Variants in PALLD observed in about 807,000 individuals in gnomAD.
PALLD encodes the protein palladin.
PALLD carries 61 observed loss-of-function variants against 123.5 expected under a neutral mutation model. That is an observed-to-expected ratio of 0.49 (90% CI 0.40 to 0.61). The LOEUF is 0.61. Ranked by LOEUF, PALLD falls within the 20% of genes least tolerant of loss-of-function variation. The probability of loss-of-function intolerance (pLI) is 0.00; values close to 1 mark genes in which losing one functional copy is unlikely to be tolerated. For synonymous variants in PALLD, 465 were observed against 496.4 expected (o/e 0.94, Z 0.84); for missense variants, 1,273 against 1,377.0 (o/e 0.92, Z 1.20).
chr4:168,719,699 T>C (rs1424421866), intron 10 of PALLD, among the ~76,000 whole-genome samples: 2 of 152,294 alleles, frequency 1.3e-5, no homozygotes, highest in East Asian at 1.9e-4. Context: ...TAGTACCCAA[T>C]AGATAATTTT....
rs539168505 is a variant in PALLD at position 168,624,119 on chromosome 4, C to T, written c.909-44071C>T. Among the ~76,000 whole-genome samples the T allele has an allele frequency of 5.2e-4, 79 of 151,990 alleles. 1 individual carries two copies. Among genetic ancestry groups the T allele is most frequent in the African/African-American group, 1.9e-3 (79 of 41,472 alleles). On this transcript the variant is annotated intron_variant, in intron 2 of 21. Coordinates refer to ENST00000505667, the MANE Select transcript of PALLD (RefSeq NM_001166108.2). ...ACATTACAAATAATATTTTTGGTCA[C>T]AATGCAATAAAACAAAAAATTGTTA...
intron 10 of PALLD, chr4:168,863,841 C>T (rs1749870472): frequency 1.3e-5 from 2 of 152,138 alleles, no homozygotes; most frequent in Admixed American, 6.5e-5. Flanking sequence ...TACATTAATC[C>T]TGTCTTATTC....
chr4:168,926,277 T>C lies in PALLD; in HGVS notation c.*97T>C. 1 of 1,537,178 alleles carries C rather than the reference T, an allele frequency of 6.5e-7. No homozygotes were observed. The highest frequency in any genetic ancestry group is 8.7e-7 in the Non-Finnish European group (1 of 1,146,806). ...AAGTACGGCCCTCAGCCAGTCGCTA[T>C]GCAGCACTTTCGGACCAGGGACTAG... On this transcript the variant is annotated 3_prime_UTR_variant, in exon 22 of 22. Transcript: ENST00000505667.
chr4:168,610,501 T>C (rs1773627134), intron 2 of PALLD, among the ~76,000 whole-genome samples: 1 of 152,242 alleles, frequency 6.6e-6, no homozygotes, highest in East Asian at 1.9e-4. Context: ...TGCATGCAGC[T>C]GGCCAGACAG....
intron 14 of PALLD, 34 bp from the exon 15 acceptor site, chr4:168,903,723 A>ACTC (rs779842899): frequency 5.7e-6 from 9 of 1,579,056 alleles, no homozygotes; most frequent in Non-Finnish European, 7.0e-6. Flanking sequence ...GAATACACAA[A>ACTC]CTCCTAATCT....
intron 3 of PALLD, among the ~76,000 whole-genome samples, chr4:168,672,031 G>A (rs914044337): frequency 1.3e-5 from 2 of 152,188 alleles, no homozygotes; most frequent in Non-Finnish European, 2.9e-5. Context: ...TCACCTAGGA[G>A]CCAAGCACTG....
intron 2 of PALLD, among the ~76,000 whole-genome samples, chr4:168,573,774 G>A (rs1334391873): frequency 6.6e-6 from 1 of 152,052 alleles, no homozygotes; most frequent in Non-Finnish European, 1.5e-5. Flanking sequence ...CCAATTATAC[G>A]AAGCTGCATA....
At chr4:168,736,576 G>C (rs984061826) in intron 10 of PALLD, among the ~76,000 whole-genome samples, 1 of 152,120 alleles carries the variant, frequency 6.6e-6, no homozygotes, top group East Asian at 1.9e-4. Context: ...AGAAAGGCTG[G>C]GAAATAATGA....
intron 10 of PALLD, among the ~76,000 whole-genome samples, chr4:168,840,243 T>G (rs546600823): frequency 6.6e-6 from 1 of 152,282 alleles, no homozygotes; most frequent in East Asian, 1.9e-4. Flanking sequence ...CACCAGCAAC[T>G]ATAAATCTGT....
chr4:168,727,093 A>G (rs1297112963), intron 10 of PALLD, among the ~76,000 whole-genome samples: 1 of 152,216 alleles, frequency 6.6e-6, no homozygotes, highest in African/African-American at 2.4e-5. Context: ...TACATGATGT[A>G]TATGTACCAC....
chr4:168,921,763 T>C (rs1444689708), intron 18 of PALLD, 22 bp downstream of exon 18: 2 of 1,568,860 alleles, frequency 1.3e-6, no homozygotes, highest in East Asian at 2.2e-5. Flanking sequence ...TGTGAATCCT[T>C]GCTCTCTGAC....
At chr4:168,557,151 C>A (rs538830579) in intron 2 of PALLD, among the ~76,000 whole-genome samples, 39 of 152,282 alleles carry the variant, frequency 2.6e-4, no homozygotes, top group African/African-American at 9.4e-4. Context: ...TCAAGCAATT[C>A]TCCTTCCTCA....
intron 2 of PALLD, among the ~76,000 whole-genome samples, chr4:168,639,793 C>T (rs1324276135): frequency 6.6e-6 from 1 of 152,144 alleles, no homozygotes; most frequent in Non-Finnish European, 1.5e-5. Flanking sequence ...ATCCGCCCGC[C>T]TCGGCCACCC....
chr4:168,566,110 G>T (rs1447757615), intron 2 of PALLD, among the ~76,000 whole-genome samples: 2 of 151,972 alleles, frequency 1.3e-5, no homozygotes, highest in Non-Finnish European at 2.9e-5. Flanking sequence ...CAATCTCTTT[G>T]GCCATCATCC....
chr4:168,508,505 C>T (rs540535154), intron 1 of PALLD, among the ~76,000 whole-genome samples: 8 of 152,228 alleles, frequency 5.3e-5, no homozygotes, highest in African/African-American at 1.9e-4. Context: ...TTCACAATTT[C>T]GTCATGTCAA....
intron 10 of PALLD, chr4:168,877,893 T>C: frequency 6.8e-7 from 1 of 1,465,104 alleles, no homozygotes; most frequent in Non-Finnish European, 9.0e-7. Flanking sequence ...CCGGAGCCCA[T>C]GAGCGCGCTG....
At chr4:168,537,992 G>A (rs1008071176) in intron 2 of PALLD, among the ~76,000 whole-genome samples, 2 of 152,156 alleles carry the variant, frequency 1.3e-5, no homozygotes, top group Non-Finnish European at 2.9e-5. Context: ...TAACCAGTAA[G>A]GAAACTTTCT....
rs1442696722 is a variant in PALLD at position 168,834,781 on chromosome 4, A to G, written c.1965-56141A>G. On this transcript the variant is annotated intron_variant, in intron 10 of 21. Transcript: ENST00000505667. ...ATGTCACCACCTTGCATTGTACTTG[A>G]TCTTCAGAATTTTACTCTATTGTCT... 3.3e-5 allele frequency among the ~76,000 whole-genome samples: 5 copies of G among 152,144 alleles called. No individual in the cohort carries two copies. The South Asian group carries it at 1.0e-3, about 32-fold the overall frequency.
intron 10 of PALLD, chr4:168,877,845 C>T: frequency 7.4e-7 from 1 of 1,359,296 alleles, no homozygotes; most frequent in Non-Finnish European, 9.5e-7. Context: ...CCGCCGCCCG[C>T]CTTCCCCGAG....
Sources: allele counts gnomAD v4.1 joint callset (sites outside exome capture counted in the v4.1 genomes callset), GRCh38; gene constraint gnomAD v4.1.1; transcripts MANE v1.5; gene names NCBI Gene and HGNC (gene_info 2026-07-23, HGNC 2026-07-21).